The following CACNA2D3 variants were observed in gnomAD, a reference collection of about 807,000 sequenced individuals.
CACNA2D3 encodes the protein calcium voltage-gated channel auxiliary subunit alpha2delta 3.
Under a neutral mutation model 160.6 loss-of-function variants are expected in CACNA2D3, and 60 were observed. The observed-to-expected ratio is 0.37, with a 90% CI of 0.30 to 0.46. The LOEUF (loss-of-function observed/expected upper bound fraction) is 0.46. Among genes scored for constraint, CACNA2D3 ranks in the 20% least tolerant of loss-of-function variants. The pLI is 1.00. For missense variants in CACNA2D3, 1,205 were observed against 1,365.0 expected (o/e 0.88, Z 1.85); for synonymous variants, 558 against 492.9 (o/e 1.13, Z -1.75).
chr3:54,642,591 A>C (rs975631183), intron 11 of CACNA2D3, among the ~76,000 whole-genome samples: 2 of 152,182 alleles, frequency 1.3e-5, no homozygotes, highest in African/African-American at 4.8e-5. Context: ...TGGTGAAATC[A>C]GTCATGGTAG....
rs567451828 is a variant in CACNA2D3 at position 54,400,549 on chromosome 3, C to T, written c.381+13775C>T. On this transcript the variant is annotated intron_variant, in intron 4 of 37. Coordinates refer to ENST00000474759, the MANE Select transcript of CACNA2D3 (RefSeq NM_018398.3). ...GGAGGACATCAAAAGTCCTTGTCAC[C>T]AAGGACCCTGACAGCCTTTGCTACC... Among the ~76,000 whole-genome samples, 11 of 152,210 alleles carry T rather than the reference C, an allele frequency of 7.2e-5. No homozygotes were observed. The South Asian group carries it at 2.3e-3, about 32-fold the overall frequency.
intron 18 of CACNA2D3, among the ~76,000 whole-genome samples, chr3:54,878,342 C>T (rs1242222837): frequency 6.6e-6 from 1 of 152,080 alleles, no homozygotes; most frequent in Non-Finnish European, 1.5e-5. Flanking sequence ...GTCTGCTGTC[C>T]TCCTCTGAAC....
chr3:54,782,099 A>G (rs1457876110), intron 13 of CACNA2D3, among the ~76,000 whole-genome samples: 1 of 152,212 alleles, frequency 6.6e-6, no homozygotes, highest in Admixed American at 6.5e-5. Context: ...GTGGTAATTG[A>G]GAAAATTTTT....
At chr3:54,966,405 G>A (rs1702151416) in intron 27 of CACNA2D3, among the ~76,000 whole-genome samples, 3 of 152,230 alleles carry the variant, frequency 2.0e-5, no homozygotes, top group Non-Finnish European at 4.4e-5. Context: ...ATGCTGGGAA[G>A]AACAGCTTTT....
At chr3:54,287,420 A>G (rs1249003216) in intron 2 of CACNA2D3, among the ~76,000 whole-genome samples, 14 of 151,718 alleles carry the variant, frequency 9.2e-5, no homozygotes, top group Non-Finnish European at 1.8e-4. Context: ...ACCCAGATTC[A>G]TAAAGCAAGT....
chr3:54,406,626 T>C (rs1699581573), intron 4 of CACNA2D3, among the ~76,000 whole-genome samples: 2 of 151,712 alleles, frequency 1.3e-5, no homozygotes, highest in South Asian at 2.1e-4. Flanking sequence ...GTTAGATATA[T>C]AGAGATAGAG....
Position 54,639,107 on chromosome 3 carries a change from T to C in CACNA2D3, c.1054-3021T>C, listed in dbSNP as rs972871258. On this transcript the variant is annotated intron_variant, in intron 10 of 37. Coordinates refer to ENST00000474759, the MANE Select transcript of CACNA2D3 (RefSeq NM_018398.3). ...GAGATTGGGGCGTGGAAATAAGGGA[T>C]TGGGGCACAGAGATAAGAGGTTGGG... The C allele has an allele frequency of 1.3e-5, 2 of 151,464 alleles. 1 individual carries two copies. Among genetic ancestry groups the C allele is most frequent in the African/African-American group, 4.9e-5 (2 of 40,802 alleles). The allele number at this position is 151,464 out of a possible 1,614,324, so 9.4% of individuals were successfully genotyped here. A position where few individuals can be genotyped will look rare whatever the true frequency, so the allele number is the denominator to read the frequency against.
chr3:54,417,833 C>T (rs566830103), intron 4 of CACNA2D3, among the ~76,000 whole-genome samples: 31 of 151,716 alleles, frequency 2.0e-4, no homozygotes, highest in African/African-American at 7.3e-4. Context: ...GTCACCCAGG[C>T]TGGAGTGCAG....
At chr3:54,584,990 C>T (rs142492766) in intron 9 of CACNA2D3, among the ~76,000 whole-genome samples, 270 of 152,246 alleles carry the variant, frequency 1.8e-3, no homozygotes, top group African/African-American at 6.1e-3. Context: ...AAACTGTTGC[C>T]TCTAAACCTA....
At chr3:54,589,386 C>T (rs1428582909) in intron 9 of CACNA2D3, among the ~76,000 whole-genome samples, 1 of 151,910 alleles carries the variant, frequency 6.6e-6, no homozygotes, top group Non-Finnish European at 1.5e-5. Context: ...CAACATTTAA[C>T]TCAAACGGAT....
chr3:54,752,928 T>G (rs1701893504), intron 12 of CACNA2D3, among the ~76,000 whole-genome samples: 1 of 151,328 alleles, frequency 6.6e-6, no homozygotes, highest in South Asian at 2.1e-4. Context: ...TAACGCGATC[T>G]CAGCTCACTG....
At chr3:54,707,780 G>A (rs1474218835) in intron 11 of CACNA2D3, among the ~76,000 whole-genome samples, 3 of 152,112 alleles carry the variant, frequency 2.0e-5, no homozygotes, top group East Asian at 1.9e-4. Context: ...GAGATTCTGG[G>A]GAAATGACGG....
chr3:54,548,180 A>G (rs982485714), intron 5 of CACNA2D3, among the ~76,000 whole-genome samples: 1 of 152,116 alleles, frequency 6.6e-6, no homozygotes, highest in Non-Finnish European at 1.5e-5. Context: ...CATGGGCCAC[A>G]CTCAGGACAT....
At chr3:54,998,989 G>A (rs1055497310) in intron 31 of CACNA2D3, among the ~76,000 whole-genome samples, 6 of 152,020 alleles carry the variant, frequency 3.9e-5, no homozygotes, top group East Asian at 1.9e-4. Flanking sequence ...CTCATGATCC[G>A]CCCGCCTTGG....
chr3:54,350,982 G>GTTTTTTTTT (rs1491034355), intron 3 of CACNA2D3, among the ~76,000 whole-genome samples: 6 of 61,798 alleles, frequency 9.7e-5, no homozygotes, highest in African/African-American at 1.3e-4. Context: ...TTTTTTTTTT[G>GTTTTTTTTT]TTTGTTTTTT....
chr3:54,851,482 C>T (rs1410733824), intron 17 of CACNA2D3, among the ~76,000 whole-genome samples: 1 of 152,200 alleles, frequency 6.6e-6, no homozygotes, highest in Non-Finnish European at 1.5e-5. Context: ...CCCTTAACCC[C>T]AGTCAGTTTA....
In CACNA2D3 at chr3:54,497,846, A is replaced by G. The variant is rs1001103387; in HGVS notation, c.382-5646A>G. On this transcript the variant is annotated intron_variant, in intron 4 of 37. Coordinates refer to ENST00000474759, the MANE Select transcript of CACNA2D3 (RefSeq NM_018398.3). ...TCTATCACATGCTTTTTCTTTATCT[A>G]TTTGATGTTATGATTTTCCTTCTTT... Among the ~76,000 whole-genome samples the G allele has an allele frequency of 2.0e-5, 3 of 151,848 alleles. No homozygotes were observed. In the East Asian group the frequency reaches 5.8e-4, roughly 29 times the overall value.
intron 9 of CACNA2D3, among the ~76,000 whole-genome samples, chr3:54,594,269 T>A (rs536376444): frequency 3.2e-4 from 49 of 152,326 alleles, no homozygotes; most frequent in African/African-American, 1.2e-3. Flanking sequence ...AATTGTAGCA[T>A]GAAAGCAGCC....
At chr3:54,408,349 A>C (rs1699612113) in intron 4 of CACNA2D3, among the ~76,000 whole-genome samples, 2 of 152,296 alleles carry the variant, frequency 1.3e-5, no homozygotes, top group Admixed American at 1.3e-4. Context: ...GCAAAATTAA[A>C]ATTGCCTAAC....
Sources: allele counts gnomAD v4.1 joint callset (sites outside exome capture counted in the v4.1 genomes callset), GRCh38; gene constraint gnomAD v4.1.1; transcripts MANE v1.5; gene names NCBI Gene and HGNC (gene_info 2026-07-23, HGNC 2026-07-21).